Variants in TTN observed in about 807,000 individuals in gnomAD.
The protein encoded by TTN is connectin.
A neutral mutation model predicts 3,223.0 loss-of-function variants in TTN; 1,525 were observed. The observed-to-expected ratio is 0.47, with a 90% CI of 0.45 to 0.49. The LOEUF (loss-of-function observed/expected upper bound fraction) is 0.49, where lower values mean the gene tolerates loss of function less well. Among genes scored for constraint, TTN ranks in the 20% least tolerant of loss-of-function variants. The probability of loss-of-function intolerance (pLI) is 0.00; values close to 1 mark genes in which losing one functional copy is unlikely to be tolerated. For missense variants in TTN, 40,786 were observed against 43,424.0 expected (o/e 0.94, Z 5.40); for synonymous variants, 14,094 against 15,161.0 (o/e 0.93, Z 5.17).
intron 199 of TTN, 53 bp from the exon 200 acceptor site, chr2:178,652,984 G>A (rs1192420957): frequency 1.6e-5 from 26 of 1,593,622 alleles, no homozygotes; most frequent in Non-Finnish European, 2.2e-5. Context: ...CACTAGAAAA[G>A]TATTTTCAAG....
In TTN at chr2:178,542,293, G is replaced by A; in HGVS notation, c.97463C>T (p.Ser32488Phe). The A allele has an allele frequency of 1.1e-5, 18 of 1,611,444 alleles. No homozygotes were observed. The highest frequency in any genetic ancestry group is 1.5e-5 in the Non-Finnish European group (18 of 1,178,738). ...GCTGCTGCGACACTCTATGACCTCA[G>A]ACTGCAAGTAAGAGCCAATCCCGAA... ...NRFGIGSYLQSEVIECRSSIR... is the reference protein window; with the variant it reads ...NRFGIGSYLQFEVIECRSSIR... The change falls in exon 349 of 363, where the codon TCT becomes TTT. Residue 32488 changes from serine (S) to phenylalanine (F), a missense_variant. Physicochemically the swap from Ser to Phe is radical, Grantham distance 155. Transcript: ENST00000589042.
Position 178,558,425 on chromosome 2 carries a change from A to C in TTN, c.87034T>G (p.Phe29012Val). ...TGATTTTCAGCAAACACTCGGAAAA[A>C]GTATTCAGAATTCTCTCTCAGACCG... ...VSGLRENSEY[F>V]FRVFAENQAG... Residue 29012 changes from phenylalanine to valine, a missense_variant, in exon 327 of 363, where the codon TTT becomes GTT. By Grantham distance (50) the Phe-to-Val change is conservative (BLOSUM62 -1). Coordinates refer to ENST00000589042, the MANE Select transcript of TTN (RefSeq NM_001267550.2). 1 of 1,613,746 alleles carries C rather than the reference A, an allele frequency of 6.2e-7. No individual in the cohort carries two copies. The highest frequency in any genetic ancestry group is 2.2e-5 in the East Asian group (1 of 44,788).
chr2:178,548,686 G>A lies in TTN; in HGVS notation c.92940C>T (p.Thr30980=), dbSNP rs747384204. The stretch of plus-strand genomic sequence containing the variant: ...TTCTGTTGCAGTTTTCCACAGTGAG[G>A]GTGCTGAAGGAATCTGTTGTATGGA... The part of the protein sequence containing the change: ...ADIHTTDSFS[T]LTVENCNRND... Residue 30980 remains threonine (T), a synonymous_variant, in exon 339 of 363, where the codon ACC becomes ACT. Coordinates refer to ENST00000589042, the MANE Select transcript of TTN (RefSeq NM_001267550.2). The surrounding 1 kb of genome is among the most constrained non-coding windows in gnomAD (Gnocchi z 4.3). The A allele has an allele frequency of 6.2e-7, 1 of 1,613,824 alleles. No homozygotes were observed. Among genetic ancestry groups the A allele is most frequent in the Non-Finnish European group, 8.5e-7 (1 of 1,179,774 alleles).
In TTN at chr2:178,553,110, C is replaced by T; in HGVS notation, c.89790G>A (p.Val29930=). The T allele has an allele frequency of 6.2e-7, 1 of 1,610,900 alleles. No homozygotes were observed. The highest frequency in any genetic ancestry group is 8.5e-7 in the Non-Finnish European group (1 of 1,177,644). ...EPKSSTVSVK[V]LDTPAACQKL... ...TCTGGCAGGCAGCTGGTGTGTCAAGCACTTTAACACTCACAGTTGAAGACT... is the reference window on the plus strand; with the variant it reads ...TCTGGCAGGCAGCTGGTGTGTCAAGTACTTTAACACTCACAGTTGAAGACT... The change falls in exon 335 of 363, where the codon GTG becomes GTA. Residue 29930 remains valine (V), a synonymous_variant. Transcript: ENST00000589042.
chr2:178,550,543 T>C, intron 336 of TTN: 1 of 460,582 alleles, frequency 2.2e-6, no homozygotes, highest in Non-Finnish European at 3.8e-6. Context: ...TTACAGATCA[T>C]GTACTTCCTA....
intron 47 of TTN, chr2:178,745,848 T>C (rs759225995): frequency 4.3e-6 from 7 of 1,613,034 alleles, no homozygotes; most frequent in Non-Finnish European, 5.9e-6. Flanking sequence ...GAAATACCTT[T>C]GATAAACCTG....
In TTN at chr2:178,767,813, T is replaced by G. The variant is rs1346392116; in HGVS notation, c.9417A>C (p.Lys3139Asn). ...VVAGGNVSTA[K>N]LFVEGRDVRI... ...GAACATCTCTGCCTTCTACAAAGAG[T>G]TTTGCAGTTGACACGTTGCCTCCTG... Residue 3139 changes from lysine to asparagine, a missense_variant, in exon 40 of 363, where the codon AAA (lysine) becomes AAC (asparagine). By Grantham distance (94) the Lys-to-Asn change is moderately conservative. Coordinates refer to ENST00000589042, the MANE Select transcript of TTN (RefSeq NM_001267550.2). The G allele has an allele frequency of 1.2e-6, 2 of 1,614,100 alleles. No homozygotes were observed. Among genetic ancestry groups the G allele is most frequent in the Admixed American group, 3.3e-5 (2 of 60,012 alleles).
At chr2:178,785,522 A>T (rs553572124) in intron 15 of TTN, 98 bp downstream of exon 15, 1 of 1,562,510 alleles carries the variant, frequency 6.4e-7, no homozygotes, top group South Asian at 1.1e-5. Flanking sequence ...ATCACCAAAA[A>T]AGAATCCTCC....
rs746222807 is a variant in TTN, at chr2:178,723,300, A to G, written c.21707T>C (p.Leu7236Ser). 15 of 1,612,516 alleles carry G rather than the reference A, an allele frequency of 9.3e-6. No individual in the cohort carries two copies. The African/African-American group carries it at 2.0e-4, about 22-fold the overall frequency. The change falls in exon 75 of 363, where the codon TTA (leucine) becomes TCA (serine). Residue 7236 changes from leucine (L) to serine (S), a missense_variant. Coordinates refer to ENST00000589042, the MANE Select transcript of TTN (RefSeq NM_001267550.2). ...VKEPAAFLKR[L>S]SDHSVEPGKS... ...CCCTGGTTCTACAGAATGATCACTT[A>G]ATCTCTTCAAAAATGCAGCTGGTTC... is the stretch of plus-strand genomic sequence containing the variant.
chr2:178,774,610 G>T, intron 29 of TTN, 137 bp from the exon 30 acceptor site: 1 of 787,052 alleles, frequency 1.3e-6, no homozygotes, highest in Non-Finnish European at 2.0e-6. Flanking sequence ...CCGCTGATGG[G>T]CTGAGAGATA....
intron 213 of TTN, among the ~76,000 whole-genome samples, chr2:178,648,571 A>T (rs1340564918): frequency 6.6e-6 from 1 of 151,764 alleles, no homozygotes; most frequent in Non-Finnish European, 1.5e-5. Flanking sequence ...CACCACCCCC[A>T]GCTAATTTTT....
At chr2:178,528,145 T>A in intron 361 of TTN, 129 bp downstream of exon 361, 1 of 1,040,242 alleles carries the variant, frequency 9.6e-7, no homozygotes, top group Non-Finnish European at 1.4e-6. Flanking sequence ...TGAATTCACA[T>A]CAGTTGGCTG....
chr2:178,800,528 G>A lies in TTN; in HGVS notation c.450C>T (p.Phe150=), dbSNP rs764467407. The A allele has an allele frequency of 6.2e-7, 1 of 1,614,132 alleles. No individual in the cohort carries two copies. Among genetic ancestry groups the A allele is most frequent in the Non-Finnish European group, 8.5e-7 (1 of 1,180,010 alleles). The part of the protein sequence containing the change: ...DGAEIQSSLD[F]QISQEGDLYS... The stretch of plus-strand genomic sequence containing the variant: ...AGAGGTCGCCTTCTTGTGAAATTTG[G>A]AAATCAAGGGAGCTCTGGATTTCGG... The change falls in exon 4 of 363, where the codon TTC becomes TTT. Residue 150 remains phenylalanine, a synonymous_variant. Transcript: ENST00000589042.
At position 178,568,849 on chromosome 2, in the gene TTN, T is replaced by C; in HGVS notation, c.77283A>G (p.Leu25761=). 3 of 1,613,180 alleles carry C rather than the reference T, an allele frequency of 1.9e-6. No individual in the cohort carries two copies. Among genetic ancestry groups the C allele is most frequent in the Non-Finnish European group, 2.5e-6 (3 of 1,179,562 alleles). ...VKSLQAVITN[L]TQGEEYLFRV... ...TAAAAAGATATTCTTCCCCTTGAGT[T>C]AGGTTGGTAATTACTGCCTGAAGAG... The change falls in exon 326 of 363, where the codon CTA becomes CTG. Residue 25761 remains leucine, a synonymous_variant. Coordinates refer to ENST00000589042, the MANE Select transcript of TTN (RefSeq NM_001267550.2).
At chr2:178,541,103 T>C in intron 350 of TTN, 179 bp downstream of exon 350, 1 of 544,220 alleles carries the variant, frequency 1.8e-6, no homozygotes, top group Non-Finnish European at 2.9e-6. Context: ...AAGGGACTGA[T>C]TACAAACGGA....
rs1037728221 is a variant in TTN, at chr2:178,768,078, C to T, written c.9241G>A (p.Val3081Ile). 1.2e-6 allele frequency: 2 copies of T among 1,613,992 alleles called. No individual in the cohort carries two copies. Among genetic ancestry groups the T allele is most frequent in the East Asian group, 2.2e-5 (1 of 44,860 alleles). The change falls in exon 39 of 363, where the codon GTT becomes ATT. Residue 3081 changes from valine (V) to isoleucine (I), a missense_variant. Physicochemically the swap from Val to Ile is conservative, Grantham distance 29 (BLOSUM62 3). Transcript: ENST00000589042. ...EKKRAMFECE[V>I]SEPDITVQWM... ...TGTACAGTGATGTCAGGTTCAGAAA[C>T]TTCACATTCAAACATGGCTCGCTTC... is the stretch of plus-strand genomic sequence containing the variant.
chr2:178,777,453 T>C lies in TTN; in HGVS notation c.4612A>G (p.Arg1538Gly), dbSNP rs766463184. 3.7e-6 allele frequency: 6 copies of C among 1,613,764 alleles called. No individual in the cohort carries two copies. The Admixed American group carries it at 1.0e-4, about 27-fold the overall frequency. The stretch of plus-strand genomic sequence containing the variant: ...GTTAAAATCACTGAAATTGAAGATC[T>C]GCCTGCCCTGTTTTGGGCAACCACA... ...WTVVAQNRAG[R>G]SSISVILTVE... The change falls in exon 26 of 363, where the codon AGA becomes GGA. Residue 1538 changes from arginine (R) to glycine (G), a missense_variant. By Grantham distance (125) the Arg-to-Gly change is moderately radical. Coordinates refer to ENST00000589042, the MANE Select transcript of TTN (RefSeq NM_001267550.2).
rs1560836521 is a variant in TTN at position 178,734,389 on chromosome 2, A to G, written c.15435T>C (p.Tyr5145=). The change falls in exon 52 of 363, where the codon TAT becomes TAC. Residue 5145 remains tyrosine, a synonymous_variant. Transcript: ENST00000589042. The part of the protein sequence containing the change: ...FSFNSADVGE[Y]ECVVANEVGK... The stretch of plus-strand genomic sequence containing the variant: ...CGACTTCATTAGCAACAACACATTC[A>G]TATTCACCAACATCTGCACTATTAA... The G allele has an allele frequency of 1.9e-6, 3 of 1,613,166 alleles. No individual in the cohort carries two copies. Among genetic ancestry groups the G allele is most frequent in the African/African-American group, 2.7e-5 (2 of 75,034 alleles).
chr2:178,611,828 C>G lies in TTN; in HGVS notation c.50481G>C (p.Arg16827=). 1.2e-6 allele frequency: 2 copies of G among 1,612,942 alleles called. No homozygotes were observed. The highest frequency in any genetic ancestry group is 1.7e-6 in the Non-Finnish European group (2 of 1,179,286). ...GGCCAACTCCAGCTTCATTTTCAGC[C>G]CGAACCTGAAACTGGACCTCTGTTC... is the stretch of plus-strand genomic sequence containing the variant. ...IEGTEVQFQV[R]AENEAGVGHP... The change falls in exon 268 of 363, where the codon CGG becomes CGC. Residue 16827 remains arginine, a synonymous_variant. Coordinates refer to ENST00000589042, the MANE Select transcript of TTN (RefSeq NM_001267550.2).
Sources: gnomAD v4.1 joint callset for allele counts (sites outside exome capture counted in the v4.1 genomes callset) on GRCh38, gnomAD v4.1.1 for gene constraint, Gnocchi (gnomAD v3.1) non-coding constraint, MANE v1.5 for transcripts, NCBI Gene and HGNC (gene_info 2026-07-23, HGNC 2026-07-21) for gene names.